The following NACC1 variants were observed in gnomAD, a reference collection of about 807,000 sequenced individuals.
NACC1 encodes the protein nucleus accumbens associated 1, also known as nucleus accumbens-associated protein 1.
NACC1 carries 6 observed loss-of-function variants against 41.7 expected under a neutral mutation model. The observed-to-expected ratio is 0.14, with a 90% CI of 0.08 to 0.28. The LOEUF (loss-of-function observed/expected upper bound fraction) is 0.28. Among genes scored for constraint, NACC1 ranks in the 10% least tolerant of loss-of-function variants. NACC1 has a pLI of 1.00. For missense variants in NACC1, 434 were observed against 763.7 expected (o/e 0.57, Z 5.09); for synonymous variants, 338 against 330.6 (o/e 1.02, Z -0.24).
rs773878008 is a variant in NACC1 at position 13,138,383 on chromosome 19, C to T, written c.1561C>T (p.Pro521Ser). 1.2e-6 allele frequency: 2 copies of T among 1,612,056 alleles called. No homozygotes were observed. Among genetic ancestry groups the T allele is most frequent in the East Asian group, 4.5e-5 (2 of 44,836 alleles). Reference sequence around the variant, plus strand: ...CGCCAGCCACGAGGGCGAGGCGGGTCCCTCGGCTGAAGCCCTGCAGTAACC... The same window carrying T: ...CGCCAGCCACGAGGGCGAGGCGGGTTCCTCGGCTGAAGCCCTGCAGTAACC... ...ETASHEGEAGPSAEALQ is the reference protein window; with the variant it reads ...ETASHEGEAGSSAEALQ The change falls in exon 6 of 6, where the codon CCC (proline) becomes TCC (serine). Residue 521 changes from proline (P) to serine (S), a missense_variant. Pro to Ser is a moderately conservative substitution (Grantham distance 74). Around this residue, in one of 4 missense-constraint regions of NACC1, gnomAD observed 63 missense variants for 68.4 expected, o/e 0.92. Transcript: ENST00000292431. This position sits in a 1 kb window ranked among gnomAD's most constrained non-coding sequence, Gnocchi z 5.7.
rs575747392 is a variant in NACC1, at chr19:13,127,580, A to G, written c.-8-7620A>G. Among the ~76,000 whole-genome samples the G allele has an allele frequency of 1.4e-3, 217 of 151,154 alleles. 1 individual carries two copies. Among genetic ancestry groups the G allele is most frequent in the African/African-American group, 5.1e-3 (209 of 41,138 alleles). ...GTGGTGGTTACCTTTAATCCCAGCTACTCAGGAGGCTGAGACAGGAGAATC... is the reference window on the plus strand; with the variant it reads ...GTGGTGGTTACCTTTAATCCCAGCTGCTCAGGAGGCTGAGACAGGAGAATC... On this transcript the variant is annotated intron_variant, in intron 1 of 5. Coordinates refer to ENST00000292431, the MANE Select transcript of NACC1 (RefSeq NM_052876.4).
chr19:13,122,535 G>GT (rs1491179929), intron 1 of NACC1, among the ~76,000 whole-genome samples: 4 of 145,208 alleles, frequency 2.8e-5, no homozygotes, highest in African/African-American at 7.9e-5. Context: ...GGGGGGGGGG[G>GT]GTGTGCTGCT....
In NACC1 at chr19:13,137,321, G is replaced by A. The variant is rs370917305; in HGVS notation, c.1171G>A (p.Ala391Thr). ...GCAGCTGATGAACTGCCACGTCAGC[G>A]CAGGCACGCGGCACAAGGTCCTACT... ...RAQLMNCHVSAGTRHKVLLRR... is the reference protein window; with the variant it reads ...RAQLMNCHVSTGTRHKVLLRR... The change falls in exon 4 of 6, where the codon GCA becomes ACA. Residue 391 changes from alanine to threonine, a missense_variant. Physicochemically the swap from Ala to Thr is moderately conservative, Grantham distance 58. This residue lies in a region of NACC1 where 70 missense variants were observed against 206.9 expected (regional missense o/e 0.34). Coordinates refer to ENST00000292431, the MANE Select transcript of NACC1 (RefSeq NM_052876.4). The surrounding 1 kb of genome is among the most constrained non-coding windows in gnomAD (Gnocchi z 6.1). 6.2e-7 allele frequency: 1 copy of A among 1,613,850 alleles called. No individual in the cohort carries two copies. Among genetic ancestry groups the A allele is most frequent in the Non-Finnish European group, 8.5e-7 (1 of 1,180,006 alleles).
chr19:13,122,242 C>T (rs971470722), intron 1 of NACC1, among the ~76,000 whole-genome samples: 4 of 152,144 alleles, frequency 2.6e-5, no homozygotes, highest in Non-Finnish European at 4.4e-5. Flanking sequence ...TCTCTGAGGG[C>T]TTTGACTGTG....
At position 13,126,890 on chromosome 19, in the gene NACC1, A is replaced by T. The variant is rs1374737754; in HGVS notation, c.-8-8310A>T. 2.6e-5 allele frequency among the ~76,000 whole-genome samples: 4 copies of T among 151,986 alleles called. No individual in the cohort carries two copies. The East Asian group carries it at 7.7e-4, about 29-fold the overall frequency. On this transcript the variant is annotated intron_variant, in intron 1 of 5. Coordinates refer to ENST00000292431, the MANE Select transcript of NACC1 (RefSeq NM_052876.4). ...CCTAGGGGTAGAGGACACAACAGGG[A>T]TCTACACAGGCAAACTCCCTGCCCC...
chr19:13,120,619 G>C (rs780161413), intron 1 of NACC1, among the ~76,000 whole-genome samples: 4 of 152,218 alleles, frequency 2.6e-5, no homozygotes, highest in Non-Finnish European at 5.9e-5. Flanking sequence ...CAGCAGTCCC[G>C]CAAAGAGACT....
In NACC1 at chr19:13,136,014, C is replaced by T; in HGVS notation, c.807C>T (p.Ala269=). 6.2e-7 allele frequency: 1 copy of T among 1,613,708 alleles called. No homozygotes were observed. The highest frequency in any genetic ancestry group is 8.5e-7 in the Non-Finnish European group (1 of 1,179,894). The change falls in exon 2 of 6, where the codon GCC becomes GCT. Residue 269 remains alanine (A), a synonymous_variant. Transcript: ENST00000292431. The surrounding 1 kb of genome is among the most constrained non-coding windows in gnomAD (Gnocchi z 5.5). ...GGACCAGCCCAGGCACCTCAAGCGC[C>T]TACACCAGCGACAGCCCTGGCTCCT... The part of the protein sequence containing the change: ...SERTSPGTSS[A]YTSDSPGSYH...
chr19:13,138,166 C>T lies in NACC1; in HGVS notation c.1344C>T (p.Ala448=), dbSNP rs2019733491. 6.2e-7 allele frequency: 1 copy of T among 1,613,790 alleles called. No individual in the cohort carries two copies. The highest frequency in any genetic ancestry group is 8.5e-7 in the Non-Finnish European group (1 of 1,179,808). Residue 448 remains alanine, a synonymous_variant, in exon 6 of 6, where the codon GCC becomes GCT. Transcript: ENST00000292431. This position sits in a 1 kb window ranked among gnomAD's most constrained non-coding sequence, Gnocchi z 5.7. ...HAVKYYCQNF[A]PNFKESEMNA... ...CCACAGACTACTGCCAGAACTTCGC[C>T]CCCAACTTCAAGGAGAGCGAGATGA...
At chr19:13,117,979 G>A (rs1315375914), upstream of NACC1, 2 of 152,214 alleles carry the variant, frequency 1.3e-5, no homozygotes, top group African/African-American at 4.8e-5. Flanking sequence ...AGTCATTATT[G>A]TTTTTGTTTT....
chr19:13,130,608 T>C (rs1220767167), intron 1 of NACC1, among the ~76,000 whole-genome samples: 1 of 149,552 alleles, frequency 6.7e-6, no homozygotes, highest in East Asian at 2.0e-4. Flanking sequence ...CGATCTCAGC[T>C]CACTGCAACC....
At chr19:13,118,831 C>T (rs914268178) in intron 1 of NACC1, among the ~76,000 whole-genome samples, 12 of 107,614 alleles carry the variant, frequency 1.1e-4, no homozygotes, top group Non-Finnish European at 2.0e-4. Flanking sequence ...GGGCTCCGGC[C>T]AGGCCGAGTG....
chr19:13,137,142 TG>T lies in NACC1; in HGVS notation c.1121-126del. On this transcript the variant is annotated intron_variant, in intron 3 of 5. Coordinates refer to ENST00000292431, the MANE Select transcript of NACC1 (RefSeq NM_052876.4). This position sits in a 1 kb window ranked among gnomAD's most constrained non-coding sequence, Gnocchi z 6.1. ...GTAGAGATGTAGGGGAGAAGGTCCC[TG>T]GGTGAGTTTTCTTGGGACCCAGAGC... The T allele has an allele frequency of 1.2e-6, 1 of 832,330 alleles. No homozygotes were observed. Among genetic ancestry groups the T allele is most frequent in the Non-Finnish European group, 1.9e-6 (1 of 513,270 alleles). The allele number at this position is 832,330 out of a possible 1,614,324, so 51.6% of individuals were successfully genotyped here.
chr19:13,127,400 T>TTTTTTTTTTTTTTTTTC (rs1245933408), intron 1 of NACC1, among the ~76,000 whole-genome samples: 4 of 100,828 alleles, frequency 4.0e-5, no homozygotes, highest in African/African-American at 1.2e-4. Flanking sequence ...TTTTTTTTTT[T>TTTTTTTTTTTTTTTTTC]CGGTTAACTG....
chr19:13,125,662 C>T (rs1216597659), intron 1 of NACC1, among the ~76,000 whole-genome samples: 3 of 152,076 alleles, frequency 2.0e-5, no homozygotes, highest in Non-Finnish European at 2.9e-5. Flanking sequence ...TCAGGTAATC[C>T]GCCTGTCTCT....
chr19:13,137,622 G>A lies in NACC1; in HGVS notation c.1324+47G>A. The A allele has an allele frequency of 6.7e-7, 1 of 1,495,450 alleles. No individual in the cohort carries two copies. Among genetic ancestry groups the A allele is most frequent in the Non-Finnish European group, 9.1e-7 (1 of 1,102,994 alleles). 92.6% of individuals were successfully genotyped at this position (1,495,450 alleles called of 1,614,324 possible). The stretch of plus-strand genomic sequence containing the variant: ...CGAGGCGTGGGCCCGGGGCACGCAG[G>A]TTGACGTTTTTTCCCAGCCTTGGCT... On this transcript the variant is annotated intron_variant, in intron 5 of 5. Coordinates refer to ENST00000292431, the MANE Select transcript of NACC1 (RefSeq NM_052876.4). The surrounding 1 kb of genome is among the most constrained non-coding windows in gnomAD (Gnocchi z 6.1).
At chr19:13,125,134 C>G (rs2019546027) in intron 1 of NACC1, among the ~76,000 whole-genome samples, 1 of 152,110 alleles carries the variant, frequency 6.6e-6, no homozygotes, top group Non-Finnish European at 1.5e-5. Flanking sequence ...ACGCTTCAGC[C>G]TGGGTGACAG....
rs191520078 is a variant in NACC1, at chr19:13,136,647, C to T, written c.1120+242C>T. Among the ~76,000 whole-genome samples, 15 of 152,254 alleles carry T rather than the reference C, an allele frequency of 9.9e-5. No homozygotes were observed. Among genetic ancestry groups the T allele is most frequent in the Admixed American group, 4.6e-4 (7 of 15,286 alleles). On this transcript the variant is annotated intron_variant, in intron 3 of 5. Transcript: ENST00000292431. This position sits in a 1 kb window ranked among gnomAD's most constrained non-coding sequence, Gnocchi z 5.5. ...CGAGCATTGGCTATTATTGTTTGGC[C>T]GCATGGGTAGATTAGCTACTTCCCG...
rs1600005740 is a variant in NACC1 at position 13,140,253 on chromosome 19, C to T, written c.*1847C>T. 6.5e-6 allele frequency: 1 copy of T among 152,816 alleles called. No individual in the cohort carries two copies. Among genetic ancestry groups the T allele is most frequent in the African/African-American group, 2.4e-5 (1 of 41,434 alleles). The allele number at this position is 152,816 out of a possible 1,614,324, so 9.5% of individuals were successfully genotyped here. A position where few individuals can be genotyped will look rare whatever the true frequency, so the allele number is the denominator to read the frequency against. On this transcript the variant is annotated 3_prime_UTR_variant, in exon 6 of 6. Transcript: ENST00000292431. This position sits in a 1 kb window ranked among gnomAD's most constrained non-coding sequence, Gnocchi z 4.0. ...TAAAGCACAAGCACCTTAGTCACCC[C>T]TCCTCTCCCCCCGCCTCCTGGCCTG...
chr19:13,136,551 G>C lies in NACC1; in HGVS notation c.1120+146G>C. 9 of 965,658 alleles carry C rather than the reference G, an allele frequency of 9.3e-6. No homozygotes were observed. The highest frequency in any genetic ancestry group is 1.3e-5 in the Non-Finnish European group (9 of 675,316). The allele number at this position is 965,658 out of a possible 1,614,324, so 59.8% of individuals were successfully genotyped here. A position where few individuals can be genotyped will look rare whatever the true frequency, so the allele number is the denominator to read the frequency against. ...TTGGTAACAGCCACCCTAAGGGTGG[G>C]GGCGTTGGTGAGATGGAGGAGCTGA... On this transcript the variant is annotated intron_variant, in intron 3 of 5. Transcript: ENST00000292431. The surrounding 1 kb of genome is among the most constrained non-coding windows in gnomAD (Gnocchi z 5.5).
Sources: allele counts gnomAD v4.1 joint callset (sites outside exome capture counted in the v4.1 genomes callset), GRCh38; gene constraint gnomAD v4.1.1; regional missense constraint gnomAD v4.1.1; non-coding constraint Gnocchi (gnomAD v3.1); transcripts MANE v1.5; gene names NCBI Gene and HGNC (gene_info 2026-07-23, HGNC 2026-07-21).